GRIK3: variants seen among roughly 807,000 people sequenced by gnomAD.
The protein encoded by GRIK3 is glutamate receptor ionotropic, kainate 3.
GRIK3 carries 29 observed loss-of-function variants against 102.5 expected under a neutral mutation model. The ratio of observed to expected loss-of-function variants is 0.28; its 90% confidence interval spans 0.21 to 0.39. The LOEUF (loss-of-function observed/expected upper bound fraction) is 0.39, where lower values mean the gene tolerates loss of function less well. Ranked by LOEUF, GRIK3 falls within the 10% of genes least tolerant of loss-of-function variation. GRIK3 has a pLI of 1.00. For missense variants in GRIK3, 908 were observed against 1,252.4 expected, an observed-to-expected ratio of 0.73 and a Z score of 4.15; for synonymous variants, 511 against 504.9, an observed-to-expected ratio of 1.01 and a Z score of -0.16.
intron 1 of GRIK3, among the ~76,000 whole-genome samples, chr1:36,937,406 G>A (rs1162176321): frequency 6.6e-6 from 1 of 152,214 alleles, no homozygotes. Context: ...ACTGGACTCA[G>A]TTCTGCAGTC....
chr1:36,966,768 C>A (rs1006205639), intron 1 of GRIK3, among the ~76,000 whole-genome samples: 2 of 151,844 alleles, frequency 1.3e-5, no homozygotes, highest in African/African-American at 4.8e-5. Context: ...ACAGACCACC[C>A]CCCCAACCCC....
intron 1 of GRIK3, among the ~76,000 whole-genome samples, chr1:36,981,976 G>C (rs767860914): frequency 6.6e-6 from 1 of 152,148 alleles, no homozygotes; most frequent in African/African-American, 2.4e-5. Flanking sequence ...ATAAGCAAAC[G>C]GGGAGCGGGA....
At chr1:36,874,564 GAC>G in intron 3 of GRIK3, among the ~76,000 whole-genome samples, 1 of 152,290 alleles carries the variant, frequency 6.6e-6, no homozygotes, top group South Asian at 2.1e-4. Context: ...GCTATCACAA[GAC>G]ACACACACAG....
intron 1 of GRIK3, among the ~76,000 whole-genome samples, chr1:36,919,969 T>C (rs1012755720): frequency 3.3e-5 from 5 of 152,206 alleles, no homozygotes. Flanking sequence ...CTGCGGATGC[T>C]CACTGGATGC....
intron 1 of GRIK3, among the ~76,000 whole-genome samples, chr1:36,899,668 G>T (rs1415798771): frequency 6.6e-6 from 1 of 152,112 alleles, no homozygotes; most frequent in East Asian, 1.9e-4. Context: ...CTTAAAAATG[G>T]TTAAGATGGC....
At chr1:36,961,229 AC>A (rs1213980562) in intron 1 of GRIK3, among the ~76,000 whole-genome samples, 3 of 152,260 alleles carry the variant, frequency 2.0e-5, no homozygotes, top group East Asian at 3.9e-4. Flanking sequence ...GCCCTCAAGC[AC>A]CCACCATCCC....
At position 36,975,288 on chromosome 1, in the gene GRIK3, G is replaced by GTTTTTTTTTTTTTTTTTTTTTT. The variant is rs61125066; in HGVS notation, c.115+58705_115+58706insAAAAAAAAAAAAAAAAAAAAAA. On this transcript the variant is annotated intron_variant, in intron 1 of 15. Coordinates refer to ENST00000373091, the MANE Select transcript of GRIK3 (RefSeq NM_000831.4). The stretch of plus-strand genomic sequence containing the variant: ...AAATCAATGAGCTTATCTAAAGTTG[G>GTTTTTTTTTTTTTTTTTTTTTT]TTTTTTTTTTTTTTTTTTTTGAGAG... Among the ~76,000 whole-genome samples the GTTTTTTTTTTTTTTTTTTTTTT allele has an allele frequency of 2.5e-4, 28 of 113,352 alleles. 5 individuals are homozygous for GTTTTTTTTTTTTTTTTTTTTTT. Among genetic ancestry groups the GTTTTTTTTTTTTTTTTTTTTTT allele is most frequent in the Middle Eastern group, 4.3e-3 (1 of 232 alleles). The allele number at this position is 113,352 out of a possible 152,430, so 74.4% of individuals were successfully genotyped here.
At chr1:36,836,664 G>A (rs1404433231) in intron 10 of GRIK3, among the ~76,000 whole-genome samples, 1 of 152,204 alleles carries the variant, frequency 6.6e-6, no homozygotes, top group Non-Finnish European at 1.5e-5. Context: ...TCTTGGTCCA[G>A]CCCCATCTAT....
chr1:36,912,540 C>T (rs894070458), intron 1 of GRIK3, among the ~76,000 whole-genome samples: 4 of 152,018 alleles, frequency 2.6e-5, no homozygotes, highest in Admixed American at 1.3e-4. Flanking sequence ...TTCCTGGAGC[C>T]GCCTCCCAGA....
intron 1 of GRIK3, among the ~76,000 whole-genome samples, chr1:36,955,172 GCCAGCTGCTTCC>G (rs1641891308): frequency 6.6e-6 from 1 of 152,244 alleles, no homozygotes; most frequent in South Asian, 2.1e-4. Flanking sequence ...CAGCCCGCCA[GCCAGCTGCTTCC>G]CCTCCTGAAA....
Position 36,805,128 on chromosome 1 carries a change from C to T in GRIK3, c.2424G>A (p.Glu808=). 6.2e-7 allele frequency: 1 copy of T among 1,614,206 alleles called. No homozygotes were observed. The highest frequency in any genetic ancestry group is 8.5e-7 in the Non-Finnish European group (1 of 1,180,034). The change falls in exon 15 of 16, where the codon GAG becomes GAA. Residue 808 remains glutamate, a synonymous_variant. Coordinates refer to ENST00000373091, the MANE Select transcript of GRIK3 (RefSeq NM_000831.4). ...KWWRGSGCPE[E]ENKEASALGI... is the part of the protein sequence containing the mutation. The stretch of plus-strand genomic sequence containing the variant: ...CCAGGGCACTGGCCTCTTTGTTTTC[C>T]TCCTCAGGACACCCGCTGCCCCGCC...
intron 1 of GRIK3, among the ~76,000 whole-genome samples, chr1:37,023,046 C>T (rs745944607): frequency 4.6e-5 from 7 of 152,032 alleles, no homozygotes; most frequent in African/African-American, 7.2e-5. Context: ...AATAGAGTGC[C>T]GGCCGGGTGC....
At chr1:36,851,292 G>T (rs1046664937) in intron 8 of GRIK3, among the ~76,000 whole-genome samples, 1 of 152,238 alleles carries the variant, frequency 6.6e-6, no homozygotes, top group African/African-American at 2.4e-5. Context: ...CAAAGCCACC[G>T]GTTGGAGCTG....
intron 1 of GRIK3, among the ~76,000 whole-genome samples, chr1:36,922,497 T>A (rs1641484759): frequency 6.6e-6 from 1 of 152,210 alleles, no homozygotes; most frequent in South Asian, 2.1e-4. Context: ...GGGGCTTTAC[T>A]GGCTGCCACC....
At chr1:36,993,073 G>T (rs1324320225) in intron 1 of GRIK3, among the ~76,000 whole-genome samples, 1 of 152,102 alleles carries the variant, frequency 6.6e-6, no homozygotes, top group African/African-American at 2.4e-5. Context: ...GGGGTAAAGG[G>T]GGCAAGGGGA....
chr1:36,929,527 A>C (rs1250956223), intron 1 of GRIK3, among the ~76,000 whole-genome samples: 1 of 152,222 alleles, frequency 6.6e-6, no homozygotes, highest in East Asian at 1.9e-4. Context: ...TCTCAGGCAC[A>C]AAGGGTGTCC....
intron 1 of GRIK3, among the ~76,000 whole-genome samples, chr1:36,988,483 C>T (rs978517138): frequency 1.7e-4 from 26 of 152,188 alleles, no homozygotes; most frequent in Admixed American, 2.6e-4. Flanking sequence ...GCTGGCAGGG[C>T]AAGAAGCAAC....
At position 37,027,863 on chromosome 1, in the gene GRIK3, C is replaced by G. The variant is rs368747339; in HGVS notation, c.115+6131G>C. On this transcript the variant is annotated intron_variant, in intron 1 of 15. Coordinates refer to ENST00000373091, the MANE Select transcript of GRIK3 (RefSeq NM_000831.4). ...CCCATGGGAGAAGGAATACTGCAGA[C>G]AGAGAAGGGTAAGTCTGGGTTTGCC... 5.3e-5 allele frequency among the ~76,000 whole-genome samples: 8 copies of G among 152,264 alleles called. No individual in the cohort carries two copies. The South Asian group carries it at 1.2e-3, about 24-fold the overall frequency.
intron 3 of GRIK3, among the ~76,000 whole-genome samples, chr1:36,879,094 C>G (rs1445077865): frequency 6.6e-6 from 1 of 152,054 alleles, no homozygotes. Context: ...TTATGGCAGA[C>G]CATTAGCTCT....
Sources: allele counts gnomAD v4.1 joint callset (sites outside exome capture counted in the v4.1 genomes callset), GRCh38; gene constraint gnomAD v4.1.1; transcripts MANE v1.5; gene names NCBI Gene and HGNC (gene_info 2026-07-23, HGNC 2026-07-21).